CCDC42: variants seen among roughly 807,000 people sequenced by gnomAD.
The protein encoded by CCDC42 is coiled-coil domain-containing protein 42.
Under a neutral mutation model 40.8 loss-of-function variants are expected in CCDC42, and 38 were observed. That is an observed-to-expected ratio of 0.93 (90% CI 0.72 to 1.22). The LOEUF is 1.22. CCDC42 is among the 50% of genes most tolerant of loss of function. The pLI is 0.00. For missense variants in CCDC42, 379 were observed against 416.5 expected (o/e 0.91, Z 0.78); for synonymous variants, 135 against 157.5 (o/e 0.86, Z 1.07).
At chr17:8,730,886 C>T (rs140822378) in intron 6 of CCDC42, among the ~76,000 whole-genome samples, 36 of 152,238 alleles carry the variant, frequency 2.4e-4, no homozygotes, top group African/African-American at 6.5e-4. Context: ...ATGGGCAGAC[C>T]GCCTTCCACA....
rs1199821369 is a variant in CCDC42 at position 8,735,768 on chromosome 17, G to T, written c.493-157C>A. 6.6e-6 allele frequency among the ~76,000 whole-genome samples: 1 copy of T among 152,172 alleles called. No individual in the cohort carries two copies. Among genetic ancestry groups the T allele is most frequent in the Non-Finnish European group, 1.5e-5 (1 of 68,028 alleles). ...CGGCCAGAGGCTGTGAGGGACACTG[G>T]GGTTCCGCTGCCTGCTTCTCCTGGG... is the stretch of plus-strand genomic sequence containing the variant. On this transcript the variant is annotated intron_variant, in intron 4 of 6. Transcript: ENST00000293845. The surrounding 1 kb of genome is among the most constrained non-coding windows in gnomAD (Gnocchi z 4.7).
At chr17:8,741,159 T>C (rs763212458) in intron 4 of CCDC42, among the ~76,000 whole-genome samples, 6 of 152,098 alleles carry the variant, frequency 3.9e-5, no homozygotes, top group Non-Finnish European at 7.4e-5. Flanking sequence ...CATGCAGACA[T>C]AGACACGCAA....
At chr17:8,734,537 GTTTTGTT>G (rs1304974265) in intron 6 of CCDC42, among the ~76,000 whole-genome samples, 1 of 147,670 alleles carries the variant, frequency 6.8e-6, no homozygotes, top group Non-Finnish European at 1.5e-5. Flanking sequence ...GTCAATTGCT[GTTTTGTT>G]TTTTGTTTGT....
At chr17:8,730,239 GC>G in intron 6 of CCDC42, 32 bp from the exon 7 acceptor site, 3 of 1,553,060 alleles carry the variant, frequency 1.9e-6, no homozygotes, top group African/African-American at 1.4e-5. Context: ...CGTTAACTCC[GC>G]CCCCCAGAGG....
chr17:8,743,318 C>T (rs1211231099), intron 3 of CCDC42, among the ~76,000 whole-genome samples: 1 of 152,172 alleles, frequency 6.6e-6, no homozygotes, highest in Non-Finnish European at 1.5e-5. Flanking sequence ...TTAGTCCTAA[C>T]TGTAGCACCT....
chr17:8,739,190 C>T (rs1418413192), intron 4 of CCDC42, among the ~76,000 whole-genome samples: 1 of 152,146 alleles, frequency 6.6e-6, no homozygotes, highest in Admixed American at 6.5e-5. Context: ...AGACGAGGTA[C>T]CACTGGTGGC....
At chr17:8,741,438 G>C in intron 4 of CCDC42, 36 bp downstream of exon 4, 1 of 1,594,226 alleles carries the variant, frequency 6.3e-7, no homozygotes, top group Non-Finnish European at 8.6e-7. Context: ...GGCTGAGGAA[G>C]GTGCCAGGGC....
chr17:8,730,215 GGCAAGGAGCCCA>G lies in CCDC42; in HGVS notation c.874-20_874-9del. Reference sequence around the variant, plus strand: ...TTGGATAAATTGCTGGATCTAGAAAGGCAAGGAGCCCAGCGTTAACTCCGCCCCCCAGAGGCC... The same window carrying G: ...TTGGATAAATTGCTGGATCTAGAAAGGCGTTAACTCCGCCCCCCAGAGGCC... On this transcript the variant is annotated splice_polypyrimidine_tract_variant and intron_variant, in intron 6 of 6. Transcript: ENST00000293845. 6.2e-7 allele frequency: 1 copy of G among 1,612,510 alleles called. No homozygotes were observed. The highest frequency in any genetic ancestry group is 8.5e-7 in the Non-Finnish European group (1 of 1,179,046).
At chr17:8,732,589 A>G (rs2086588076) in intron 6 of CCDC42, among the ~76,000 whole-genome samples, 1 of 152,210 alleles carries the variant, frequency 6.6e-6, no homozygotes, top group Admixed American at 6.5e-5. Context: ...TGTTCTCATA[A>G]TAAGTGGTCA....
chr17:8,740,870 CT>C (rs974867948), intron 4 of CCDC42, among the ~76,000 whole-genome samples: 1 of 152,166 alleles, frequency 6.6e-6, no homozygotes, highest in African/African-American at 2.4e-5. Flanking sequence ...CCATTTCCTT[CT>C]CTGTAAAAGG....
rs573576986 is a variant in CCDC42, at chr17:8,733,290, C to T, written c.873+1806G>A. On this transcript the variant is annotated intron_variant, in intron 6 of 6. Transcript: ENST00000293845. ...AGTTTAAATCTGTAGGCGACTCGGT[C>T]GTGTATTTCCGTGAGTAGGTTCATC... Among the ~76,000 whole-genome samples, 5 of 152,186 alleles carry T rather than the reference C, an allele frequency of 3.3e-5. No individual in the cohort carries two copies. In the East Asian group the frequency reaches 5.8e-4, roughly 18 times the overall value.
intron 2 of CCDC42, 58 bp downstream of exon 2, chr17:8,744,021 A>G: frequency 1.2e-5 from 13 of 1,066,012 alleles, no homozygotes; most frequent in Non-Finnish European, 1.7e-5. Flanking sequence ...GCTCTCCCAG[A>G]GCCCCAGCCC....
In CCDC42 at chr17:8,730,182, G is replaced by T; in HGVS notation, c.899C>A (p.Ser300Ter). The T allele has an allele frequency of 6.2e-7, 1 of 1,613,806 alleles. No individual in the cohort carries two copies. Among genetic ancestry groups the T allele is most frequent in the South Asian group, 1.1e-5 (1 of 91,028 alleles). Residue 300 changes from serine to a stop codon, truncating the protein, a stop_gained, in exon 7 of 7, where the codon TCG (serine) becomes TAG (stop). Transcript: ENST00000293845. LOFTEE classifies it high-confidence loss of function. ...CTTTTTCACCTCTGCCCAGATGTCC[G>T]ACCGGTCTTGGATAAATTGCTGGAT... Reference protein sequence around the residue: ...DMIQQFIQDRSDIWAEVKKKE... With the variant: ...DMIQQFIQDR
intron 4 of CCDC42, among the ~76,000 whole-genome samples, chr17:8,739,028 G>A (rs553078915): frequency 3.9e-5 from 6 of 152,284 alleles, no homozygotes; most frequent in African/African-American, 1.4e-4. Context: ...GCAAAGCTGT[G>A]TGATGAGTAC....
chr17:8,732,773 C>G (rs2086589000), intron 6 of CCDC42, among the ~76,000 whole-genome samples: 2 of 152,158 alleles, frequency 1.3e-5, no homozygotes, highest in Admixed American at 6.5e-5. Flanking sequence ...TTTATTCCCC[C>G]TAGGAAACAA....
rs10852904 is a variant in CCDC42 at position 8,744,613 on chromosome 17, G to C, written c.-4C>G. The C allele has an allele frequency of 0.55, 876,251 of 1,605,866 alleles. 243,746 individuals carry two copies. The highest frequency in any genetic ancestry group is 0.68 in the Admixed American group (40,986 of 59,978). ...CTTCCATGATGCCCAGACTCATGGT[G>C]GCAGTGACCTCACGGCCCAGGCAGC... On this transcript the variant is annotated 5_prime_UTR_variant, in exon 1 of 7. Transcript: ENST00000293845.
At position 8,730,094 on chromosome 17, in the gene CCDC42, C is replaced by T; in HGVS notation, c.*36G>A. 1 of 1,600,144 alleles carries T rather than the reference C, an allele frequency of 6.2e-7. No individual in the cohort carries two copies. The highest frequency in any genetic ancestry group is 1.1e-5 in the South Asian group (1 of 90,556). ...GGCTCACGACTTCTTCTTTCACGAT[C>T]TCTGTCTCAGGACATTCTGGAACAA... On this transcript the variant is annotated 3_prime_UTR_variant, in exon 7 of 7. Coordinates refer to ENST00000293845, the MANE Select transcript of CCDC42 (RefSeq NM_144681.3).
chr17:8,738,052 C>G (rs1302333177), intron 4 of CCDC42, among the ~76,000 whole-genome samples: 1 of 152,122 alleles, frequency 6.6e-6, no homozygotes, highest in East Asian at 1.9e-4. Flanking sequence ...TCTTGAACTC[C>G]TGGGCTCAAG....
At chr17:8,741,397 C>T in intron 4 of CCDC42, 77 bp downstream of exon 4, 1 of 1,439,170 alleles carries the variant, frequency 6.9e-7, no homozygotes, top group Non-Finnish European at 9.7e-7. Flanking sequence ...AATTCCATCC[C>T]ATGGCCCCAG....
Sources: gnomAD v4.1 joint callset for allele counts (sites outside exome capture counted in the v4.1 genomes callset) on GRCh38, gnomAD v4.1.1 for gene constraint, Gnocchi (gnomAD v3.1) non-coding constraint, MANE v1.5 for transcripts, NCBI Gene and HGNC (gene_info 2026-07-23, HGNC 2026-07-21) for gene names.